Variants in B4GALT6 observed in about 807,000 individuals in gnomAD.
B4GALT6 encodes beta-1,4-galactosyltransferase 6.
A neutral mutation model predicts 46.3 loss-of-function variants in B4GALT6; 14 were observed. The ratio of observed to expected loss-of-function variants is 0.30; its 90% CI spans 0.20 to 0.47. B4GALT6 has a LOEUF of 0.47. Among genes scored for constraint, B4GALT6 ranks in the 20% least tolerant of loss-of-function variants. The probability of loss-of-function intolerance (pLI) is 0.99; values close to 1 mark genes in which losing one functional copy is unlikely to be tolerated. For missense variants in B4GALT6, 386 were observed against 480.1 expected (o/e 0.80, Z 1.83); for synonymous variants, 168 against 162.0 (o/e 1.04, Z -0.28).
chr18:31,707,513 G>A, the B4GALT6 span, among the ~76,000 whole-genome samples: 1 of 152,080 alleles, frequency 6.6e-6, no homozygotes, highest in East Asian at 1.9e-4. Flanking sequence ...TACATGAAGA[G>A]GTTAATTTAC....
In B4GALT6 at chr18:31,623,975, T is replaced by C. The variant is rs1598856199; in HGVS notation, c.*1639A>G. On this transcript the variant is annotated 3_prime_UTR_variant, in exon 9 of 9. Transcript: ENST00000306851. The stretch of plus-strand genomic sequence containing the variant: ...TCATTGTTGTTGAACATTCACTTTA[T>C]AGATATTTAATTTTTTGTTTAAAAT... The C allele has an allele frequency of 1.3e-5, 2 of 152,198 alleles. No individual in the cohort carries two copies. The highest frequency in any genetic ancestry group is 2.1e-4 in the South Asian group (1 of 4,820). The allele number at this position is 152,198 out of a possible 1,614,324, so 9.4% of individuals were successfully genotyped here.
At position 31,684,463 on chromosome 18, in the gene B4GALT6, C is replaced by G; in HGVS notation, c.-37G>C. On this transcript the variant is annotated 5_prime_UTR_variant, in exon 1 of 9. Coordinates refer to ENST00000306851, the MANE Select transcript of B4GALT6 (RefSeq NM_004775.5). ...CTGCCAGCAGCCCAGGCTGCGCTCT[C>G]AGGCCGGACTCGGGGCCACTGTCCA... 6.2e-7 allele frequency: 1 copy of G among 1,605,676 alleles called. No homozygotes were observed. The highest frequency in any genetic ancestry group is 8.5e-7 in the Non-Finnish European group (1 of 1,175,932).
chr18:31,698,177 T>A, the B4GALT6 span, among the ~76,000 whole-genome samples: 1 of 152,348 alleles, frequency 6.6e-6, no homozygotes, highest in African/African-American at 2.4e-5. Context: ...TGTGTTAGAT[T>A]CTCAGCTGTA....
intron 1 of B4GALT6, among the ~76,000 whole-genome samples, chr18:31,671,979 T>A (rs1365287519): frequency 6.6e-6 from 1 of 152,268 alleles, no homozygotes; most frequent in Non-Finnish European, 1.5e-5. Flanking sequence ...CATTCTATCC[T>A]GAGTTTATGA....
chr18:31,637,625 C>A (rs2073876067), intron 5 of B4GALT6, among the ~76,000 whole-genome samples: 1 of 152,084 alleles, frequency 6.6e-6, no homozygotes, highest in Non-Finnish European at 1.5e-5. Flanking sequence ...TAAAGTTAAT[C>A]CAATATTGAT....
the B4GALT6 span, among the ~76,000 whole-genome samples, chr18:31,721,763 A>G: frequency 2.6e-5 from 4 of 152,216 alleles, no homozygotes; most frequent in East Asian, 1.9e-4. Flanking sequence ...ACTCAAGACT[A>G]CAACAATAAC....
At chr18:31,641,171 G>C (rs1243068432) in intron 4 of B4GALT6, among the ~76,000 whole-genome samples, 1 of 152,222 alleles carries the variant, frequency 6.6e-6, no homozygotes, top group African/African-American at 2.4e-5. Flanking sequence ...AAGACAATTA[G>C]ACTGAGTGAT....
At position 31,681,632 on chromosome 18, in the gene B4GALT6, C is replaced by T. The variant is rs554303462; in HGVS notation, c.115+2680G>A. Among the ~76,000 whole-genome samples, 166 of 152,304 alleles carry T rather than the reference C, an allele frequency of 1.1e-3. 1 individual carries two copies. Among genetic ancestry groups the T allele is most frequent in the Non-Finnish European group, 1.7e-3 (117 of 68,024 alleles). ...AACACTGGAAACTAAACAGATTACG[C>T]TGCCTACAACTGTGTGATGTATCTG... On this transcript the variant is annotated intron_variant, in intron 1 of 8. Coordinates refer to ENST00000306851, the MANE Select transcript of B4GALT6 (RefSeq NM_004775.5).
intron 1 of B4GALT6, among the ~76,000 whole-genome samples, chr18:31,669,983 CATT>C (rs1486582925): frequency 1.3e-5 from 2 of 152,018 alleles, no homozygotes; most frequent in African/African-American, 4.8e-5. Flanking sequence ...GCATTATATG[CATT>C]ATTATGTTTC....
At chr18:31,713,287 G>A in the B4GALT6 span, among the ~76,000 whole-genome samples, 5 of 152,178 alleles carry the variant, frequency 3.3e-5, no homozygotes, top group Non-Finnish European at 7.3e-5. Context: ...AGGAAGTAGA[G>A]GCTGCAGTGA....
rs150317719 is a variant in B4GALT6, at chr18:31,676,253, A to C, written c.115+8059T>G. Reference sequence around the variant, plus strand: ...TATTAACACTTGCCTCAAATATATAAAAACAGGCCATAGTATTCAATCAAG... The same window carrying C: ...TATTAACACTTGCCTCAAATATATACAAACAGGCCATAGTATTCAATCAAG... On this transcript the variant is annotated intron_variant, in intron 1 of 8. Coordinates refer to ENST00000306851, the MANE Select transcript of B4GALT6 (RefSeq NM_004775.5). Among the ~76,000 whole-genome samples the C allele has an allele frequency of 3.9e-4, 60 of 152,256 alleles. 1 individual carries two copies. The East Asian group carries it at 9.4e-3, about 24-fold the overall frequency.
chr18:31,643,410 C>G (rs889113912), intron 4 of B4GALT6, among the ~76,000 whole-genome samples: 1 of 151,974 alleles, frequency 6.6e-6, no homozygotes, highest in Non-Finnish European at 1.5e-5. Flanking sequence ...GCAAATCTCA[C>G]GCCTCAGCCT....
At chr18:31,645,286 G>C (rs2073978293) in intron 4 of B4GALT6, 69 bp downstream of exon 4, 2 of 1,584,410 alleles carry the variant, frequency 1.3e-6, no homozygotes, top group Non-Finnish European at 1.7e-6. Flanking sequence ...TCTGTATTCT[G>C]AATCAAGCAC....
intron 5 of B4GALT6, among the ~76,000 whole-genome samples, chr18:31,631,708 G>A (rs2073794370): frequency 6.6e-6 from 1 of 152,144 alleles, no homozygotes; most frequent in African/African-American, 2.4e-5. Flanking sequence ...AACTGGAAGT[G>A]ACTCAACAGT....
chr18:31,669,653 CA>C (rs2074326996), intron 1 of B4GALT6, among the ~76,000 whole-genome samples: 1 of 151,752 alleles, frequency 6.6e-6, no homozygotes, highest in African/African-American at 2.4e-5. Flanking sequence ...AACAGCCAAC[CA>C]AAAATGCAGG....
chr18:31,708,563 C>T, the B4GALT6 span, among the ~76,000 whole-genome samples: 1 of 150,504 alleles, frequency 6.6e-6, no homozygotes, highest in Non-Finnish European at 1.5e-5. Flanking sequence ...AGACTCGTCT[C>T]AATAAAAAAT....
chr18:31,628,811 CT>C (rs1175197351), intron 6 of B4GALT6, among the ~76,000 whole-genome samples: 2 of 152,206 alleles, frequency 1.3e-5, no homozygotes, highest in Admixed American at 1.3e-4. Flanking sequence ...AATCCAGGGA[CT>C]AGTCTAGATG....
the B4GALT6 span, among the ~76,000 whole-genome samples, chr18:31,695,636 T>G: frequency 6.6e-6 from 1 of 152,346 alleles, no homozygotes; most frequent in Non-Finnish European, 1.5e-5. Context: ...CCTTGGATCA[T>G]CTTACAGCCC....
chr18:31,626,841 CTT>C, intron 7 of B4GALT6, 156 bp downstream of exon 7: 1 of 604,212 alleles, frequency 1.7e-6, no homozygotes. Context: ...AGAAAGCAGA[CTT>C]AATGAAAAAA....
Sources: allele counts gnomAD v4.1 joint callset (sites outside exome capture counted in the v4.1 genomes callset), GRCh38; gene constraint gnomAD v4.1.1; transcripts MANE v1.5; gene names NCBI Gene and HGNC (gene_info 2026-07-23, HGNC 2026-07-21).